The following SMARCC2 variants were observed in gnomAD, a reference collection of about 807,000 sequenced individuals.
SMARCC2 encodes the protein SWI/SNF complex subunit SMARCC2.
In SMARCC2, 15 loss-of-function variants were observed where a neutral mutation model predicts 151.3. The observed-to-expected ratio is 0.10, with a 90% CI of 0.07 to 0.15. SMARCC2 has a LOEUF of 0.15. SMARCC2 is among the 10% of genes least tolerant of loss of function. The probability of loss-of-function intolerance (pLI) is 1.00; values close to 1 mark genes in which losing one functional copy is unlikely to be tolerated. For missense variants in SMARCC2, 1,031 were observed against 1,599.7 expected, an observed-to-expected ratio of 0.64 and a Z score of 6.06; for synonymous variants, 590 against 609.5, an observed-to-expected ratio of 0.97 and a Z score of 0.47.
At chr12:56,185,871 T>G in intron 3 of SMARCC2, 1 of 419,058 alleles carries the variant, frequency 2.4e-6, no homozygotes, top group East Asian at 4.2e-5. Context: ...CTCAACTCCA[T>G]GAATCACTCT....
Position 56,187,280 on chromosome 12 carries a change from G to A in SMARCC2, c.138C>T (p.Asn46=). Residue 46 remains asparagine, a synonymous_variant, in exon 2 of 29, where the codon AAC becomes AAT. Transcript: ENST00000550164. ...GTACAACCAGGCTAGACAGGGACTT[G>A]TTGGTGGGTGGTTCAGCTTGTATAT... is the stretch of plus-strand genomic sequence containing the variant. The part of the protein sequence containing the change: ...KKYIQAEPPT[N]KSLSSLVVQL... The A allele has an allele frequency of 6.2e-7, 1 of 1,613,782 alleles. No homozygotes were observed.
intron 15 of SMARCC2, 43 bp from the exon 16 acceptor site, chr12:56,174,807 T>C (rs974924839): frequency 7.4e-7 from 1 of 1,349,344 alleles, no homozygotes. Flanking sequence ...GAAAAATAAA[T>C]GTTTGTTAAA....
intron 6 of SMARCC2, 103 bp from the exon 7 acceptor site, chr12:56,184,033 G>T: frequency 9.4e-7 from 1 of 1,063,674 alleles, no homozygotes; most frequent in Non-Finnish European, 1.4e-6. Flanking sequence ...TGTAGCAGGG[G>T]ACTTGGTAAT....
At chr12:56,184,688 A>C (rs1876886330) in intron 5 of SMARCC2, 156 bp downstream of exon 5, 2 of 607,588 alleles carry the variant, frequency 3.3e-6, no homozygotes, top group African/African-American at 1.9e-5. Flanking sequence ...CAGACAGAAA[A>C]AGACAGACTC....
At chr12:56,164,756 G>A in intron 27 of SMARCC2, 25 bp from the exon 28 acceptor site, 7 of 1,542,990 alleles carry the variant, frequency 4.5e-6, no homozygotes, top group Non-Finnish European at 6.1e-6. Context: ...GAGAGATGGA[G>A]AAAATTAGGT....
At chr12:56,187,369 T>C (rs1006260638) in intron 1 of SMARCC2, 63 bp from the exon 2 acceptor site, 1 of 1,498,156 alleles carries the variant, frequency 6.7e-7, no homozygotes, top group African/African-American at 1.4e-5. Flanking sequence ...CTATCTCCCA[T>C]ATTTCTCCCC....
chr12:56,186,094 G>C, intron 3 of SMARCC2, 61 bp downstream of exon 3: 2 of 1,168,662 alleles, frequency 1.7e-6, no homozygotes, highest in Middle Eastern at 3.8e-4. Flanking sequence ...AGATCCCAGG[G>C]AATCAAAAAG....
chr12:56,179,738 G>A (rs1442598526), intron 11 of SMARCC2, among the ~76,000 whole-genome samples: 1 of 152,250 alleles, frequency 6.6e-6, no homozygotes, highest in Non-Finnish European at 1.5e-5. Flanking sequence ...CCAGGCTGGA[G>A]TGCAGTGGTG....
chr12:56,178,741 G>A (rs930981875), intron 13 of SMARCC2, 69 bp downstream of exon 13: 3 of 1,541,490 alleles, frequency 1.9e-6, no homozygotes, highest in African/African-American at 2.7e-5. Context: ...AAAAGTTTGG[G>A]CAGAATGAAC....
In SMARCC2 at chr12:56,189,434, G is replaced by T; in HGVS notation, c.28C>A (p.Pro10Thr). Residue 10 changes from proline to threonine, a missense_variant, in exon 1 of 29, where the codon CCC (proline) becomes ACC (threonine). This residue lies in a region of SMARCC2 where 50 missense variants were observed against 52.4 expected (regional missense o/e 0.95). Coordinates refer to ENST00000550164, the MANE Select transcript of SMARCC2 (RefSeq NM_001330288.2). MAVRKKDGG[P>T]NVKYYEAADT... The stretch of plus-strand genomic sequence containing the variant: ...GCGGCCTCGTAGTACTTCACGTTGG[G>T]GCCGCCGTCCTTCTTCCGCACCGCC... 6.6e-7 allele frequency: 1 copy of T among 1,509,076 alleles called. No individual in the cohort carries two copies. Among genetic ancestry groups the T allele is most frequent in the Non-Finnish European group, 8.9e-7 (1 of 1,120,898 alleles). The allele number at this position is 1,509,076 out of a possible 1,614,324, so 93.5% of individuals were successfully genotyped here. A position where few individuals can be genotyped will look rare whatever the true frequency, so the allele number is the denominator to read the frequency against.
At chr12:56,174,083 T>C (rs562569234) in intron 16 of SMARCC2, among the ~76,000 whole-genome samples, 4 of 152,316 alleles carry the variant, frequency 2.6e-5, no homozygotes, top group African/African-American at 9.6e-5. Context: ...TATATCTACC[T>C]ACCTACCGAA....
intron 11 of SMARCC2, 35 bp from the exon 12 acceptor site, chr12:56,179,091 T>A: frequency 6.2e-7 from 1 of 1,603,688 alleles, no homozygotes; most frequent in African/African-American, 1.3e-5. Context: ...TCAGACAGAT[T>A]TTGCCTAATT....
In SMARCC2 at chr12:56,170,756, G is replaced by C. The variant is rs193188315; in HGVS notation, c.2347+515C>G. 8.0e-3 allele frequency among the ~76,000 whole-genome samples: 904 copies of C among 112,812 alleles called. 3 individuals are homozygous for C. Among genetic ancestry groups the C allele is most frequent in the Admixed American group, 0.013 (117 of 9,026 alleles). 74.0% of individuals were successfully genotyped at this position (112,812 alleles called of 152,430 possible). A position where few individuals can be genotyped will look rare whatever the true frequency, so the allele number is the denominator to read the frequency against. ...TTTTTTTTTTTTTTTTTTGAGAGAC[G>C]AAGTCTTGCTCTGTTGCCCAGGCTG... is the stretch of plus-strand genomic sequence containing the variant. On this transcript the variant is annotated intron_variant, in intron 22 of 28. Transcript: ENST00000550164.
chr12:56,163,795 G>A (rs1245256663), intron 28 of SMARCC2, 30 bp from the exon 29 acceptor site: 3 of 1,417,530 alleles, frequency 2.1e-6, no homozygotes, highest in African/African-American at 3.0e-5. Context: ...AAATCAGTTA[G>A]AGTACGCCGG....
chr12:56,182,098 C>T lies in SMARCC2; in HGVS notation c.633-19G>A, dbSNP rs1248126463. ...GTCGTAACTGCCATGGGAAATTGAG[C>T]ACACAGTAGAATCAATGGGATAGAA... On this transcript the variant is annotated intron_variant, in intron 7 of 28. Transcript: ENST00000550164. The T allele has an allele frequency of 1.3e-6, 2 of 1,576,592 alleles. No individual in the cohort carries two copies. The highest frequency in any genetic ancestry group is 1.3e-5 in the African/African-American group (1 of 74,092).
intron 17 of SMARCC2, 27 bp from the exon 18 acceptor site, chr12:56,173,056 A>C (rs753523079): frequency 2.5e-6 from 4 of 1,609,318 alleles, no homozygotes; most frequent in South Asian, 2.2e-5. Flanking sequence ...GGCGTCATGG[A>C]GGCTGGGCAG....
intron 28 of SMARCC2, 50 bp from the exon 29 acceptor site, chr12:56,163,815 TC>T: frequency 1.6e-6 from 2 of 1,271,130 alleles, no homozygotes; most frequent in Non-Finnish European, 1.1e-6. Context: ...GAGAGATGGC[TC>T]CAGACCCAGA....
intron 6 of SMARCC2, 48 bp from the exon 7 acceptor site, chr12:56,183,978 CA>C (rs199928028): frequency 1.4e-4 from 192 of 1,407,560 alleles, no homozygotes; most frequent in Middle Eastern, 3.8e-4. Context: ...AAGGGGGACA[CA>C]AAAAAAATAC....
chr12:56,164,104 C>T (rs1008364253), intron 28 of SMARCC2, among the ~76,000 whole-genome samples, 199 bp downstream of exon 28: 3 of 152,134 alleles, frequency 2.0e-5, no homozygotes, highest in African/African-American at 7.2e-5. Flanking sequence ...CCAACATCAT[C>T]CCAAAGGTGG....
Sources: allele counts gnomAD v4.1 joint callset (sites outside exome capture counted in the v4.1 genomes callset), GRCh38; gene constraint gnomAD v4.1.1; regional missense constraint gnomAD v4.1.1; transcripts MANE v1.5; gene names NCBI Gene and HGNC (gene_info 2026-07-23, HGNC 2026-07-21).